Variants in ADGRL2 observed in about 807,000 individuals in gnomAD.
The protein encoded by ADGRL2 is calcium-independent alpha-latrotoxin receptor 2.
ADGRL2 carries 44 observed loss-of-function variants against 157.4 expected under a neutral mutation model. That is an observed-to-expected ratio of 0.28 (90% CI 0.22 to 0.36). The LOEUF is 0.36. ADGRL2 is among the 10% of genes least tolerant of loss of function. ADGRL2 has a pLI of 1.00. For missense variants in ADGRL2, 1,510 were observed against 1,768.9 expected (o/e 0.85, Z 2.63); for synonymous variants, 585 against 624.7 (o/e 0.94, Z 0.95).
Position 81,966,393 on chromosome 1 carries a change from T to TA in ADGRL2, c.2144-10dup. 6.2e-7 allele frequency: 1 copy of TA among 1,612,736 alleles called. No homozygotes were observed. Among genetic ancestry groups the TA allele is most frequent in the South Asian group, 1.1e-5 (1 of 91,020 alleles). ...TTTTTGTACATCATGTGACTATTTT[T>TA]ACCTTCCTAGGGCTTGCAAAGTTGG... On this transcript the variant is annotated splice_polypyrimidine_tract_variant and intron_variant, in intron 12 of 23. Coordinates refer to ENST00000686636, the MANE Select transcript of ADGRL2 (RefSeq NM_001366006.2).
intron 3 of ADGRL2, among the ~76,000 whole-genome samples, chr1:81,591,445 G>A (rs77851458): frequency 1.8e-3 from 277 of 152,266 alleles, no homozygotes; most frequent in Admixed American, 2.4e-3. Flanking sequence ...CTAGCTACAA[G>A]AGAAGAATGT....
chr1:81,826,064 A>G (rs1226753137), intron 1 of ADGRL2, among the ~76,000 whole-genome samples: 1 of 152,180 alleles, frequency 6.6e-6, no homozygotes, highest in African/African-American at 2.4e-5. Flanking sequence ...ACAGAGCTAT[A>G]TTTTACCCAA....
intron 2 of ADGRL2, among the ~76,000 whole-genome samples, chr1:81,496,810 G>T (rs563314251): frequency 6.6e-6 from 1 of 152,280 alleles, no homozygotes; most frequent in Admixed American, 6.5e-5. Context: ...AACAAGTGTA[G>T]ATCAATTACC....
At chr1:81,516,750 G>A (rs1263451821) in intron 2 of ADGRL2, among the ~76,000 whole-genome samples, 7 of 152,192 alleles carry the variant, frequency 4.6e-5, no homozygotes, top group African/African-American at 1.7e-4. Context: ...GATGAGACAG[G>A]AAAGCTAAGT....
intron 1 of ADGRL2, among the ~76,000 whole-genome samples, chr1:81,390,995 C>T (rs1330999170): frequency 6.6e-6 from 1 of 152,306 alleles, no homozygotes; most frequent in Non-Finnish European, 1.5e-5. Flanking sequence ...TACAAACACT[C>T]ATGGAAACTT....
intron 2 of ADGRL2, among the ~76,000 whole-genome samples, chr1:81,548,053 A>G (rs1285821214): frequency 6.6e-6 from 1 of 152,170 alleles, no homozygotes; most frequent in Non-Finnish European, 1.5e-5. Context: ...GCTGGGAAGG[A>G]GTTCTTTCTC....
chr1:81,513,508 C>T (rs1172684011), intron 2 of ADGRL2, among the ~76,000 whole-genome samples: 5 of 152,078 alleles, frequency 3.3e-5, no homozygotes, highest in African/African-American at 4.8e-5. Context: ...TTTATTAATT[C>T]TTGAAATGGC....
chr1:81,792,691 A>G (rs183406770), intron 2 of ADGRL2, among the ~76,000 whole-genome samples: 4 of 152,228 alleles, frequency 2.6e-5, no homozygotes, highest in Middle Eastern at 3.4e-3. Context: ...ACATAAACAT[A>G]TACACATATG....
At chr1:81,920,907 C>T (rs2094962855) in intron 3 of ADGRL2, among the ~76,000 whole-genome samples, 1 of 151,508 alleles carries the variant, frequency 6.6e-6, no homozygotes, top group Non-Finnish European at 1.5e-5. Context: ...CTAAAAATGG[C>T]TTTTTGCACT....
At chr1:81,366,716 T>C (rs1226314324) in intron 1 of ADGRL2, among the ~76,000 whole-genome samples, 1 of 152,250 alleles carries the variant, frequency 6.6e-6, no homozygotes, top group African/African-American at 2.4e-5. Context: ...CCTCCATATT[T>C]CAAGTTTAGT....
chr1:81,311,290 A>G (rs1452794829), intron 1 of ADGRL2, among the ~76,000 whole-genome samples: 3 of 152,166 alleles, frequency 2.0e-5, no homozygotes, highest in East Asian at 1.9e-4. Context: ...AGTTCCTTCT[A>G]TCTTCTCCCG....
chr1:81,820,904 A>G (rs1557706950), intron 1 of ADGRL2, among the ~76,000 whole-genome samples: 1 of 152,174 alleles, frequency 6.6e-6, no homozygotes, highest in Non-Finnish European at 1.5e-5. Flanking sequence ...TCCATGGCCT[A>G]TAATCCCTGC....
intron 2 of ADGRL2, 141 bp from the exon 3 acceptor site, chr1:81,906,876 C>A: frequency 1.5e-6 from 1 of 676,802 alleles, no homozygotes; most frequent in Non-Finnish European, 2.4e-6. Context: ...TGTAGAGAAC[C>A]AAAAAATTAT....
chr1:81,508,551 A>G (rs2079020410), intron 2 of ADGRL2, among the ~76,000 whole-genome samples: 1 of 152,194 alleles, frequency 6.6e-6, no homozygotes, highest in Admixed American at 6.5e-5. Flanking sequence ...TGCATGCCCT[A>G]TTGTCCCATT....
intron 3 of ADGRL2, among the ~76,000 whole-genome samples, chr1:81,585,572 C>T (rs1199299207): frequency 2.0e-5 from 3 of 152,080 alleles, no homozygotes; most frequent in African/African-American, 7.2e-5. Flanking sequence ...GTCTCCTGTT[C>T]GAACTTTTGG....
intron 3 of ADGRL2, among the ~76,000 whole-genome samples, chr1:81,636,786 T>A (rs545232537): frequency 1.3e-5 from 2 of 152,290 alleles, no homozygotes; most frequent in South Asian, 4.1e-4. Context: ...AGAAAAATAC[T>A]GTGTAATATA....
At chr1:81,473,992 G>A (rs1441580195) in intron 2 of ADGRL2, among the ~76,000 whole-genome samples, 1 of 152,234 alleles carries the variant, frequency 6.6e-6, no homozygotes, top group Non-Finnish European at 1.5e-5. Flanking sequence ...CAGTTGGAAA[G>A]ACTCAGAAGC....
Position 81,820,200 on chromosome 1 carries a change from A to G in ADGRL2, c.-100-16685A>G, listed in dbSNP as rs117935163. Among the ~76,000 whole-genome samples the G allele has an allele frequency of 7.7e-4, 117 of 152,310 alleles. 3 individuals carry two copies. In the East Asian group the frequency reaches 0.021, roughly 27 times the overall value. On this transcript the variant is annotated intron_variant, in intron 1 of 23. Transcript: ENST00000686636. ...AGTGATTAACTCAGAGTAGGCTCTC[A>G]ATGTATTTTTTGAATAAATGCTTAT...
At chr1:81,385,416 A>C (rs2076418185) in intron 1 of ADGRL2, among the ~76,000 whole-genome samples, 1 of 152,116 alleles carries the variant, frequency 6.6e-6, no homozygotes, top group Admixed American at 6.6e-5. Context: ...GAAATGTGAA[A>C]ATTTGTGAAA....
Sources: allele counts gnomAD v4.1 joint callset (sites outside exome capture counted in the v4.1 genomes callset), GRCh38; gene constraint gnomAD v4.1.1; transcripts MANE v1.5; gene names NCBI Gene and HGNC (gene_info 2026-07-23, HGNC 2026-07-21).